Variants in SBF2 observed in about 807,000 individuals in gnomAD.
The protein encoded by SBF2 is SET binding factor 2.
In SBF2, 112 loss-of-function variants were observed where a neutral mutation model predicts 225.2. The ratio of observed to expected loss-of-function variants is 0.50; its 90% confidence interval spans 0.43 to 0.58. The LOEUF is 0.58. SBF2 is among the 20% of genes least tolerant of loss of function. The probability of loss-of-function intolerance (pLI) is 0.00; values close to 1 mark genes in which losing one functional copy is unlikely to be tolerated. For synonymous variants in SBF2, 763 were observed against 773.3 expected (o/e 0.99, Z 0.22); for missense variants, 1,996 against 2,206.2 (o/e 0.90, Z 1.91).
intron 32 of SBF2, among the ~76,000 whole-genome samples, chr11:9,804,061 C>G (rs1853646788): frequency 6.6e-6 from 1 of 152,090 alleles, no homozygotes; most frequent in Non-Finnish European, 1.5e-5. Context: ...GAAAGGACCC[C>G]AGGTCCTTTC....
At chr11:9,879,054 A>G (rs1286441993) in intron 17 of SBF2, among the ~76,000 whole-genome samples, 2 of 152,246 alleles carry the variant, frequency 1.3e-5, no homozygotes, top group Non-Finnish European at 2.9e-5. Flanking sequence ...CTTTGGACAT[A>G]AAGGGAATTT....
chr11:10,219,744 G>A (rs1471005144), intron 1 of SBF2, among the ~76,000 whole-genome samples: 2 of 152,138 alleles, frequency 1.3e-5, no homozygotes, highest in Non-Finnish European at 2.9e-5. Flanking sequence ...GCAAAATGCT[G>A]CCAGTCTCTT....
intron 6 of SBF2, among the ~76,000 whole-genome samples, chr11:10,004,051 C>A (rs1306791165): frequency 2.0e-5 from 3 of 152,104 alleles, no homozygotes; most frequent in Non-Finnish European, 4.4e-5. Flanking sequence ...CCAACTTATC[C>A]CATGTGATAC....
At chr11:10,292,344 T>G (rs992403879) in intron 1 of SBF2, among the ~76,000 whole-genome samples, 1 of 152,160 alleles carries the variant, frequency 6.6e-6, no homozygotes, top group African/African-American at 2.4e-5. Context: ...GCGGGTAGAA[T>G]TTTTTGTACC....
intron 25 of SBF2, among the ~76,000 whole-genome samples, chr11:9,841,017 G>A (rs1196107290): frequency 6.7e-6 from 1 of 149,996 alleles, no homozygotes; most frequent in Non-Finnish European, 1.5e-5. Flanking sequence ...TATTTATTTT[G>A]AAAGTAAGAG....
intron 27 of SBF2, 83 bp from the exon 28 acceptor site, chr11:9,829,579 T>A (rs1042851605): frequency 6.7e-6 from 8 of 1,201,920 alleles, no homozygotes; most frequent in Middle Eastern, 2.6e-4. Flanking sequence ...TATCTACCTA[T>A]CTATCTATGC....
At chr11:9,864,114 C>T (rs1396513968) in intron 17 of SBF2, among the ~76,000 whole-genome samples, 1 of 152,132 alleles carries the variant, frequency 6.6e-6, no homozygotes, top group Non-Finnish European at 1.5e-5. Flanking sequence ...GGATATTATG[C>T]TCATTAGTTA....
intron 2 of SBF2, among the ~76,000 whole-genome samples, chr11:10,133,079 G>A (rs1033738363): frequency 6.8e-6 from 1 of 148,114 alleles, no homozygotes; most frequent in African/African-American, 2.5e-5. Flanking sequence ...TAGACATAAA[G>A]GTTCTCCACT....
Position 9,817,021 on chromosome 11 carries a change from A to G in SBF2, c.3797T>C (p.Val1266Ala), listed in dbSNP as rs950017837. ...AGTGCTAGAGCGAAGACTTGCCCAC[A>G]CACCTTCACAAAAGCCAAAGTCGTG... ...VRPAFALSPGVWASLRSSTRL... is the reference protein window; with the variant it reads ...VRPAFALSPGAWASLRSSTRL... Residue 1266 changes from valine (V) to alanine (A), a missense_variant, in exon 29 of 40, where the codon GTG (valine) becomes GCG (alanine). Transcript: ENST00000256190. 3 of 1,613,970 alleles carry G rather than the reference A, an allele frequency of 1.9e-6. No individual in the cohort carries two copies. The highest frequency in any genetic ancestry group is 2.7e-5 in the African/African-American group (2 of 74,922).
intron 1 of SBF2, among the ~76,000 whole-genome samples, chr11:10,289,830 G>A (rs1053683953): frequency 2.6e-5 from 4 of 152,112 alleles, no homozygotes; most frequent in Admixed American, 6.5e-5. Context: ...CACCCTCCCC[G>A]CAGCATTGGT....
At chr11:10,009,399 C>T (rs188758958) in intron 6 of SBF2, among the ~76,000 whole-genome samples, 103 of 152,234 alleles carry the variant, frequency 6.8e-4, no homozygotes, top group Non-Finnish European at 1.1e-3. Context: ...CTAATGCTGT[C>T]CCTTCCCTAC....
chr11:10,189,738 CT>C (rs1957085369), intron 2 of SBF2, among the ~76,000 whole-genome samples: 1 of 152,080 alleles, frequency 6.6e-6, no homozygotes, highest in African/African-American at 2.4e-5. Flanking sequence ...CTTTAGTCTT[CT>C]AAAAAAATCA....
intron 1 of SBF2, among the ~76,000 whole-genome samples, chr11:10,270,444 C>T (rs981819282): frequency 2.0e-5 from 3 of 152,046 alleles, no homozygotes; most frequent in Admixed American, 2.0e-4. Context: ...TAAGTGGAAG[C>T]AGATCATCAC....
chr11:10,028,373 G>C (rs1949124762), intron 6 of SBF2, 79 bp downstream of exon 6: 2 of 880,066 alleles, frequency 2.3e-6, no homozygotes, highest in Non-Finnish European at 3.9e-6. Context: ...TGATTCATGT[G>C]AGGTGATGTC....
rs147358191 is a variant in SBF2 at position 9,966,660 on chromosome 11, G to A, written c.1600+1681C>T. On this transcript the variant is annotated intron_variant, in intron 14 of 39. Coordinates refer to ENST00000256190, the MANE Select transcript of SBF2 (RefSeq NM_030962.4). ...AATTAGCAAATAATATATCTGGTAG[G>A]GGACTTATATATAGAATATAGAGAG... 8.6e-3 allele frequency among the ~76,000 whole-genome samples: 1,305 copies of A among 152,172 alleles called. 14 individuals carry two copies. Among genetic ancestry groups the A allele is most frequent in the African/African-American group, 0.03 (1,231 of 41,494 alleles).
In SBF2 at chr11:9,785,219, C is replaced by G. The variant is rs1852290948; in HGVS notation, c.5137G>C (p.Glu1713Gln). 9 of 1,614,020 alleles carry G rather than the reference C, an allele frequency of 5.6e-6. No homozygotes were observed. Among genetic ancestry groups the G allele is most frequent in the East Asian group, 2.2e-5 (1 of 44,892 alleles). ...GGGGAGATGCTGGAATTCTGTTCCT[C>G]CCCCATGCTGCTGTCTGGGAGATGT... Reference protein sequence around the residue: ...LLHLPDSSMGEEQNSSISPSN... With the variant: ...LLHLPDSSMGQEQNSSISPSN... Residue 1713 changes from glutamate (E) to glutamine (Q), a missense_variant, in exon 37 of 40, where the codon GAG becomes CAG. Transcript: ENST00000256190.
At chr11:9,848,330 T>C (rs1410203836) in intron 22 of SBF2, among the ~76,000 whole-genome samples, 1 of 152,212 alleles carries the variant, frequency 6.6e-6, no homozygotes, top group Non-Finnish European at 1.5e-5. Flanking sequence ...AATTATAATA[T>C]TTCTATGTGT....
intron 21 of SBF2, 92 bp downstream of exon 21, chr11:9,852,584 G>A (rs1439156632): frequency 7.7e-6 from 7 of 906,310 alleles, no homozygotes; most frequent in African/African-American, 3.3e-5. Context: ...TCTGTCAAAG[G>A]TTAGGTGAAC....
At chr11:10,087,361 CAAAGAT>C (rs1951611359) in intron 2 of SBF2, among the ~76,000 whole-genome samples, 2 of 151,964 alleles carry the variant, frequency 1.3e-5, no homozygotes, top group African/African-American at 4.8e-5. Flanking sequence ...TTTCAAGAGA[CAAAGAT>C]AAACAGCTTA....
Sources: allele counts gnomAD v4.1 joint callset (sites outside exome capture counted in the v4.1 genomes callset), GRCh38; gene constraint gnomAD v4.1.1; transcripts MANE v1.5; gene names NCBI Gene and HGNC (gene_info 2026-07-23, HGNC 2026-07-21).